The following HEATR6 variants were observed in gnomAD, a reference collection of about 807,000 sequenced individuals.
HEATR6 encodes HEAT repeat-containing protein 6.
In HEATR6, 106 loss-of-function variants were observed where a neutral mutation model predicts 132.8. The observed-to-expected ratio is 0.80, with a 90% CI of 0.68 to 0.94. The LOEUF (loss-of-function observed/expected upper bound fraction) is 0.94, where lower values mean the gene tolerates loss of function less well. Ranked by LOEUF, HEATR6 falls within the 40% of genes least tolerant of loss-of-function variation. The pLI, the probability that HEATR6 is intolerant of heterozygous loss-of-function variation, is 0.00. For missense variants in HEATR6, 1,339 were observed against 1,425.1 expected (o/e 0.94, Z 0.97); for synonymous variants, 529 against 537.8 (o/e 0.98, Z 0.23).
At chr17:60,046,266 C>A in intron 18 of HEATR6, 37 bp from the exon 19 acceptor site, 1 of 1,511,512 alleles carries the variant, frequency 6.6e-7, no homozygotes. Flanking sequence ...ATCTGTTTGG[C>A]CAAAGAGATG....
At chr17:60,046,311 C>A in intron 18 of HEATR6, 82 bp from the exon 19 acceptor site, 1 of 1,106,734 alleles carries the variant, frequency 9.0e-7, no homozygotes, top group East Asian at 2.5e-5. Context: ...TAAAAAAACC[C>A]AGGAGGTCTT....
chr17:60,076,270 C>T (rs755834197), intron 1 of HEATR6, 33 bp from the exon 2 acceptor site: 1 of 1,210,588 alleles, frequency 8.3e-7, no homozygotes, highest in Non-Finnish European at 1.2e-6. Flanking sequence ...AGGTAAAATA[C>T]TTATTAGTCA....
Position 60,057,338 on chromosome 17 carries a change from G to T in HEATR6, c.1789C>A (p.Pro597Thr). The T allele has an allele frequency of 6.2e-7, 1 of 1,614,084 alleles. No individual in the cohort carries two copies. The highest frequency in any genetic ancestry group is 1.1e-5 in the South Asian group (1 of 91,086). Residue 597 changes from proline (P) to threonine (T), a missense_variant, in exon 12 of 20, where the codon CCT becomes ACT. Coordinates refer to ENST00000184956, the MANE Select transcript of HEATR6 (RefSeq NM_022070.5). ...GAIVSTHAPL[P>T]EVQLLLQQPC... is the part of the protein sequence containing the mutation. ...TGTTGCAGAAGTAGTTGGACTTCAG[G>T]TAAAGGTGCGTGGGTGGACACTATA...
intron 14 of HEATR6, among the ~76,000 whole-genome samples, chr17:60,053,403 G>A (rs1231125293): frequency 6.6e-6 from 1 of 152,204 alleles, no homozygotes; most frequent in Non-Finnish European, 1.5e-5. Flanking sequence ...CAGCAGAAAA[G>A]AGACTAATAC....
At chr17:60,054,999 C>T (rs1906697698) in intron 14 of HEATR6, among the ~76,000 whole-genome samples, 1 of 152,106 alleles carries the variant, frequency 6.6e-6, no homozygotes, top group Non-Finnish European at 1.5e-5. Context: ...GGGTGGATCC[C>T]TCTTGAATGG....
chr17:60,076,245 A>C lies in HEATR6; in HGVS notation c.220-8T>G. 11 of 1,508,284 alleles carry C rather than the reference A, an allele frequency of 7.3e-6. No individual in the cohort carries two copies. Among genetic ancestry groups the C allele is most frequent in the Admixed American group, 1.7e-5 (1 of 57,994 alleles). The allele number at this position is 1,508,284 out of a possible 1,614,324, so 93.4% of individuals were successfully genotyped here. A position where few individuals can be genotyped will look rare whatever the true frequency, so the allele number is the denominator to read the frequency against. On this transcript the variant is annotated splice_polypyrimidine_tract_variant and splice_region_variant and intron_variant, in intron 1 of 19. Transcript: ENST00000184956. ...AAGAAGAGCACTAACGTCCTACCAA[A>C]AAAAAAAAGATAAGAGGTAAAATAC...
chr17:60,056,096 T>C lies in HEATR6; in HGVS notation c.2202+19A>G. The C allele has an allele frequency of 1.2e-6, 2 of 1,612,116 alleles. No individual in the cohort carries two copies. The highest frequency in any genetic ancestry group is 4.5e-5 in the East Asian group (2 of 44,830). ...AAGTGAAGAGAAGGAAAAAGCATTGTGGTTTTGATGAAAATTACCTTTGCT... is the reference window on the plus strand; with the variant it reads ...AAGTGAAGAGAAGGAAAAAGCATTGCGGTTTTGATGAAAATTACCTTTGCT... On this transcript the variant is annotated intron_variant, in intron 13 of 19. Coordinates refer to ENST00000184956, the MANE Select transcript of HEATR6 (RefSeq NM_022070.5).
Position 60,043,929 on chromosome 17 carries a change from C to T in HEATR6, c.3180G>A (p.Leu1060=), listed in dbSNP as rs148282760. Residue 1060 remains leucine (L), a synonymous_variant, in exon 20 of 20, where the codon TTG becomes TTA. Transcript: ENST00000184956. ...LQKSEDTIDF[L]EFKYCVSLRT... ...GTAGGCTGACACAGTACTTGAATTC[C>T]AAAAAGTCTATGGTGTCTTCACTCT... 4.4e-5 allele frequency: 71 copies of T among 1,613,770 alleles called. No individual in the cohort carries two copies. In the African/African-American group the frequency reaches 8.0e-4, roughly 18 times the overall value.
chr17:60,073,430 G>A, intron 3 of HEATR6, 151 bp from the exon 4 acceptor site: 1 of 616,166 alleles, frequency 1.6e-6, no homozygotes, highest in Admixed American at 2.9e-5. Flanking sequence ...GATATGCAAA[G>A]ATATGCCAAA....
At chr17:60,068,116 G>C (rs1666781342) in intron 7 of HEATR6, among the ~76,000 whole-genome samples, 1 of 152,134 alleles carries the variant, frequency 6.6e-6, no homozygotes, top group African/African-American at 2.4e-5. Context: ...CTTCTCAACT[G>C]GAATTTCTCA....
intron 17 of HEATR6, 55 bp downstream of exon 17, chr17:60,048,209 C>G: frequency 6.3e-7 from 1 of 1,580,690 alleles, no homozygotes; most frequent in Non-Finnish European, 8.7e-7. Flanking sequence ...CGAGGACATT[C>G]TCTTGGGCCC....
Position 60,044,074 on chromosome 17 carries a change from T to C in HEATR6, c.3035A>G (p.Lys1012Arg), listed in dbSNP as rs144687762. Reference sequence around the variant, plus strand: ...AGATCTGATGCGCACTTTGAAGTTCTTGCATGATGTCACGACCGATGTCAG... The same window carrying C: ...AGATCTGATGCGCACTTTGAAGTTCCTGCATGATGTCACGACCGATGTCAG... ...NALTSVVTSC[K>R]NFKVRIRSAA... Residue 1012 changes from lysine (K) to arginine (R), a missense_variant, in exon 20 of 20, where the codon AAG becomes AGG. Coordinates refer to ENST00000184956, the MANE Select transcript of HEATR6 (RefSeq NM_022070.5). The C allele has an allele frequency of 3.7e-6, 6 of 1,614,028 alleles. No homozygotes were observed. The African/African-American group carries it at 8.0e-5, about 22-fold the overall frequency.
At chr17:60,078,193 C>T (rs956337515) in intron 1 of HEATR6, among the ~76,000 whole-genome samples, 6 of 152,110 alleles carry the variant, frequency 3.9e-5, no homozygotes, top group African/African-American at 1.4e-4. Flanking sequence ...AGAAAGACGG[C>T]AGAGGGGAGG....
rs2083279876 is a variant in HEATR6 at position 60,073,437 on chromosome 17, C to CA, written c.469-159dup. 2.0e-5 allele frequency among the ~76,000 whole-genome samples: 3 copies of CA among 151,968 alleles called. No individual in the cohort carries two copies. The South Asian group carries it at 6.2e-4, about 32-fold the overall frequency. On this transcript the variant is annotated intron_variant, in intron 3 of 19. Transcript: ENST00000184956. ...CTCCGATGGATATGCAAAGATATGC[C>CA]AAAAAGCATCAATAATGATCATTAC...
At chr17:60,048,504 T>TA (rs1387423385) in intron 16 of HEATR6, 116 bp from the exon 17 acceptor site, 1 of 1,000,220 alleles carries the variant, frequency 1.0e-6, no homozygotes, top group African/African-American at 1.6e-5. Context: ...TACTTAGAAA[T>TA]AAAAATTCAT....
intron 18 of HEATR6, 141 bp downstream of exon 18, chr17:60,047,168 A>C (rs1369205831): frequency 1.3e-5 from 7 of 527,750 alleles, no homozygotes; most frequent in African/African-American, 1.9e-5. Flanking sequence ...TTATACCCTG[A>C]GCACACCCTC....
rs1906196977 is a variant in HEATR6 at position 60,042,348 on chromosome 17, G to C, written c.*1215C>G. ...GCTCATCAGCTGTGAGGCACCGTCA[G>C]CATCCTTGCGTCCTGTGTGGCTGTG... On this transcript the variant is annotated 3_prime_UTR_variant, in exon 20 of 20. Coordinates refer to ENST00000184956, the MANE Select transcript of HEATR6 (RefSeq NM_022070.5). Among the ~76,000 whole-genome samples, 1 of 151,900 alleles carries C rather than the reference G, an allele frequency of 6.6e-6. No individual in the cohort carries two copies. Among genetic ancestry groups the C allele is most frequent in the East Asian group, 1.9e-4 (1 of 5,188 alleles).
At position 60,073,904 on chromosome 17, in the gene HEATR6, G is replaced by C; in HGVS notation, c.328-18C>G. ...ACAATTACCTAACAGGACAGGAAAAGATATATTCTGATCTAACTTTTAAAA... is the reference window on the plus strand; with the variant it reads ...ACAATTACCTAACAGGACAGGAAAACATATATTCTGATCTAACTTTTAAAA... On this transcript the variant is annotated intron_variant, in intron 2 of 19. Transcript: ENST00000184956. 2 of 1,608,586 alleles carry C rather than the reference G, an allele frequency of 1.2e-6. No individual in the cohort carries two copies. Among genetic ancestry groups the C allele is most frequent in the Non-Finnish European group, 1.7e-6 (2 of 1,177,814 alleles).
intron 1 of HEATR6, among the ~76,000 whole-genome samples, chr17:60,078,256 A>G: frequency 6.6e-6 from 1 of 152,148 alleles, no homozygotes; most frequent in Non-Finnish European, 1.5e-5. Context: ...AGTTTTGTAT[A>G]CTGTATTTTT....
Sources: gnomAD v4.1 joint callset for allele counts (sites outside exome capture counted in the v4.1 genomes callset) on GRCh38, gnomAD v4.1.1 for gene constraint, MANE v1.5 for transcripts, NCBI Gene and HGNC (gene_info 2026-07-23, HGNC 2026-07-21) for gene names.